Variants in STYXL2 observed in about 807,000 individuals in gnomAD.
The protein encoded by STYXL2 is serine/threonine/tyrosine-interacting-like protein 2.
In STYXL2, 44 loss-of-function variants were observed where a neutral mutation model predicts 52.4. The observed-to-expected ratio is 0.84, with a 90% CI of 0.66 to 1.08. The LOEUF (loss-of-function observed/expected upper bound fraction) is 1.08, where lower values mean the gene tolerates loss of function less well. Ranked by LOEUF, STYXL2 falls within the 50% of genes least tolerant of loss-of-function variation. The probability of loss-of-function intolerance (pLI) is 0.00; values close to 1 mark genes in which losing one functional copy is unlikely to be tolerated. For synonymous variants in STYXL2, 604 were observed against 586.9 expected (o/e 1.03, Z -0.42); for missense variants, 1,604 against 1,471.7 (o/e 1.09, Z -1.47).
At chr1:167,094,440 A>G (rs1667237181) in intron 1 of STYXL2, 1 of 209,842 alleles carries the variant, frequency 4.8e-6, no homozygotes, top group Admixed American at 5.3e-5. Context: ...GCGCATGGGC[A>G]TAGGTGAGGG....
chr1:167,127,028 A>G lies in STYXL2; in HGVS notation c.1897A>G (p.Ser633Gly), dbSNP rs987900395. ...RQRRLELLER[S>G]RQTLEESQSM... ...ACGGAGGCTGGAGCTGCTGGAGAGAAGCCGGCAGACGCTGGAGGAGAGCCA... is the reference window on the plus strand; with the variant it reads ...ACGGAGGCTGGAGCTGCTGGAGAGAGGCCGGCAGACGCTGGAGGAGAGCCA... The change falls in exon 6 of 6, where the codon AGC becomes GGC. Residue 633 changes from serine (S) to glycine (G), a missense_variant. By Grantham distance (56) the Ser-to-Gly change is moderately conservative. Transcript: ENST00000361200. 2.5e-6 allele frequency: 4 copies of G among 1,607,214 alleles called. No individual in the cohort carries two copies. The highest frequency in any genetic ancestry group is 3.4e-6 in the Non-Finnish European group (4 of 1,175,880).
chr1:167,106,387 C>T (rs554399969), intron 2 of STYXL2, among the ~76,000 whole-genome samples: 5 of 152,088 alleles, frequency 3.3e-5, no homozygotes, highest in South Asian at 2.1e-4. Context: ...ACAAAGAAAA[C>T]GGACCAAGTA....
At chr1:167,098,124 G>T (rs1350121457) in intron 2 of STYXL2, among the ~76,000 whole-genome samples, 1 of 147,462 alleles carries the variant, frequency 6.8e-6, no homozygotes, top group Non-Finnish European at 1.5e-5. Flanking sequence ...TGAGTTTCCT[G>T]CCTCAGCCTC....
chr1:167,112,219 T>C (rs2102234014), intron 2 of STYXL2, among the ~76,000 whole-genome samples: 1 of 152,298 alleles, frequency 6.6e-6, no homozygotes, highest in South Asian at 2.1e-4. Flanking sequence ...ATACTATGGA[T>C]GATGATGCCA....
Position 167,126,489 on chromosome 1 carries a change from A to G in STYXL2, c.1358A>G (p.Gln453Arg), listed in dbSNP as rs780676357. The change falls in exon 6 of 6, where the codon CAG (glutamine) becomes CGG (arginine). Residue 453 changes from glutamine (Q) to arginine (R), a missense_variant. Transcript: ENST00000361200. ...VSSHDIWVLK[Q>R]QLELNRPDHG... is the part of the protein sequence containing the mutation. ...AGCCACGACATCTGGGTCCTGAAGCAGCAGCTGGAGCTGAACCGCCCGGAC... is the reference window on the plus strand; with the variant it reads ...AGCCACGACATCTGGGTCCTGAAGCGGCAGCTGGAGCTGAACCGCCCGGAC... The G allele has an allele frequency of 6.2e-7, 1 of 1,608,374 alleles. No homozygotes were observed. Among genetic ancestry groups the G allele is most frequent in the Non-Finnish European group, 8.5e-7 (1 of 1,177,528 alleles).
At chr1:167,110,818 C>A (rs1667601790) in intron 2 of STYXL2, among the ~76,000 whole-genome samples, 1 of 152,214 alleles carries the variant, frequency 6.6e-6, no homozygotes, top group South Asian at 2.1e-4. Flanking sequence ...CCTTTCCCAG[C>A]CCCTTACAGT....
intron 2 of STYXL2, among the ~76,000 whole-genome samples, chr1:167,096,566 A>G (rs1667288739): frequency 6.6e-6 from 1 of 152,218 alleles, no homozygotes; most frequent in Non-Finnish European, 1.5e-5. Flanking sequence ...CACAATGCTC[A>G]TCAGTATTAA....
intron 3 of STYXL2, among the ~76,000 whole-genome samples, chr1:167,115,995 C>T (rs987524745): frequency 1.3e-5 from 2 of 152,122 alleles, no homozygotes; most frequent in African/African-American, 4.8e-5. Context: ...AGGGGCTGGA[C>T]CAAGTCTACC....
In STYXL2 at chr1:167,124,101, G is replaced by A. The variant is rs184315042; in HGVS notation, c.656-1686G>A. The stretch of plus-strand genomic sequence containing the variant: ...TTTTGTTTTTGTTTTTTTTAGAGAC[G>A]AGGTTTCGCTATGTTGCCAGGCCGG... On this transcript the variant is annotated intron_variant, in intron 5 of 5. Transcript: ENST00000361200. 4.0e-3 allele frequency among the ~76,000 whole-genome samples: 600 copies of A among 151,892 alleles called. 3 individuals carry two copies. Among genetic ancestry groups the A allele is most frequent in the African/African-American group, 0.012 (517 of 41,400 alleles).
rs1291784301 is a variant in STYXL2 at position 167,127,531 on chromosome 1, C to T, written c.2400C>T (p.Ser800=). 6.2e-7 allele frequency: 1 copy of T among 1,614,122 alleles called. No individual in the cohort carries two copies. Among genetic ancestry groups the T allele is most frequent in the South Asian group, 1.1e-5 (1 of 91,068 alleles). Residue 800 remains serine (S), a synonymous_variant, in exon 6 of 6, where the codon TCC becomes TCT. Coordinates refer to ENST00000361200, the MANE Select transcript of STYXL2 (RefSeq NM_001080426.3). ...GCTCTGACATGCAGTCTGTGCTGTC[C>T]TGCAACACCACACTGAGCTCACCCG... is the stretch of plus-strand genomic sequence containing the variant. The part of the protein sequence containing the change: ...RPSSDMQSVL[S]CNTTLSSPAE...
chr1:167,127,796 A>C lies in STYXL2; in HGVS notation c.2665A>C (p.Thr889Pro). Residue 889 changes from threonine to proline, a missense_variant, in exon 6 of 6, where the codon ACT becomes CCT. Physicochemically the swap from Thr to Pro is conservative, Grantham distance 38. Coordinates refer to ENST00000361200, the MANE Select transcript of STYXL2 (RefSeq NM_001080426.3). ...TGGTGTGGGTGATGGGGATGAGGAC[A>C]CTGACAGTGCCATAGGGAGCTTCCG... ...DDGVGDGDED[T>P]DSAIGSFRYS... 1 of 1,613,938 alleles carries C rather than the reference A, an allele frequency of 6.2e-7. No individual in the cohort carries two copies. Among genetic ancestry groups the C allele is most frequent in the South Asian group, 1.1e-5 (1 of 91,068 alleles).
chr1:167,103,843 C>T (rs1285185065), intron 2 of STYXL2, among the ~76,000 whole-genome samples: 1 of 152,146 alleles, frequency 6.6e-6, no homozygotes, highest in African/African-American at 2.4e-5. Context: ...AGTGCACAGC[C>T]GGGCGCGGTG....
chr1:167,097,477 AG>A (rs1667311864), intron 2 of STYXL2, among the ~76,000 whole-genome samples: 2 of 152,164 alleles, frequency 1.3e-5, no homozygotes, highest in African/African-American at 4.8e-5. Context: ...TTATCTTGGG[AG>A]GTTATCTGAA....
intron 2 of STYXL2, among the ~76,000 whole-genome samples, chr1:167,104,296 T>C (rs1028802678): frequency 6.6e-6 from 1 of 152,212 alleles, no homozygotes; most frequent in Non-Finnish European, 1.5e-5. Flanking sequence ...CTTGACTTTA[T>C]ATCTTTCCAA....
At chr1:167,123,804 A>G (rs1230536245) in intron 5 of STYXL2, among the ~76,000 whole-genome samples, 2 of 152,120 alleles carry the variant, frequency 1.3e-5, no homozygotes, top group East Asian at 1.9e-4. Flanking sequence ...TTGTATTTTT[A>G]GTAGAGACAG....
Position 167,126,862 on chromosome 1 carries a change from G to T in STYXL2, c.1731G>T (p.Gly577=). 1 of 1,613,988 alleles carries T rather than the reference G, an allele frequency of 6.2e-7. No homozygotes were observed. Among genetic ancestry groups the T allele is most frequent in the Non-Finnish European group, 8.5e-7 (1 of 1,179,924 alleles). The change falls in exon 6 of 6, where the codon GGG becomes GGT. Residue 577 remains glycine (G), a synonymous_variant. Coordinates refer to ENST00000361200, the MANE Select transcript of STYXL2 (RefSeq NM_001080426.3). The part of the protein sequence containing the change: ...SGEPGAEEAV[G]EKNPSDVSLT... ...AGCCCGGTGCAGAGGAGGCAGTAGGGGAGAAGAACCCCTCCGACGTCAGCC... is the reference window on the plus strand; with the variant it reads ...AGCCCGGTGCAGAGGAGGCAGTAGGTGAGAAGAACCCCTCCGACGTCAGCC...
intron 5 of STYXL2, among the ~76,000 whole-genome samples, chr1:167,125,321 G>A (rs989046420): frequency 6.6e-6 from 1 of 152,230 alleles, no homozygotes; most frequent in Non-Finnish European, 1.5e-5. Flanking sequence ...GTCACTGGAA[G>A]CATTCAGCAG....
chr1:167,116,136 A>T (rs1409970047), intron 3 of STYXL2, among the ~76,000 whole-genome samples: 2 of 152,096 alleles, frequency 1.3e-5, no homozygotes, highest in Non-Finnish European at 2.9e-5. Context: ...CTCTCTCTCT[A>T]TTCAGTATTT....
At chr1:167,121,300 G>A (rs1319289577) in intron 5 of STYXL2, among the ~76,000 whole-genome samples, 1 of 152,126 alleles carries the variant, frequency 6.6e-6, no homozygotes, top group East Asian at 1.9e-4. Context: ...ATAAGCCACC[G>A]CGACCGGCCA....
Sources: gnomAD v4.1 joint callset for allele counts (sites outside exome capture counted in the v4.1 genomes callset) on GRCh38, gnomAD v4.1.1 for gene constraint, MANE v1.5 for transcripts, NCBI Gene and HGNC (gene_info 2026-07-23, HGNC 2026-07-21) for gene names.